Variants in LIN28B observed in about 807,000 individuals in gnomAD.
LIN28B encodes the protein protein lin-28 homolog B.
A neutral mutation model predicts 21.9 loss-of-function variants in LIN28B; 5 were observed. That is an observed-to-expected ratio of 0.23 (90% CI 0.12 to 0.48). The LOEUF is 0.48. Among genes scored for constraint, LIN28B ranks in the 20% least tolerant of loss-of-function variants. LIN28B has a pLI of 0.98. For missense variants in LIN28B, 245 were observed against 310.5 expected, an observed-to-expected ratio of 0.79 and a Z score of 1.58; for synonymous variants, 109 against 111.3, an observed-to-expected ratio of 0.98 and a Z score of 0.13.
chr6:105,007,816 T>TA (rs1406510788), intron 2 of LIN28B, among the ~76,000 whole-genome samples: 5 of 152,002 alleles, frequency 3.3e-5, no homozygotes, highest in African/African-American at 9.7e-5. Context: ...TTTTTTAAAT[T>TA]AAAAAAAGTA....
chr6:104,948,080 G>A (rs1358035105), intron 2 of LIN28B, among the ~76,000 whole-genome samples: 1 of 152,030 alleles, frequency 6.6e-6, no homozygotes, highest in Non-Finnish European at 1.5e-5. Context: ...CTCGTGTAGG[G>A]GCAAAGAAGT....
At chr6:105,061,716 G>A (rs529271350) in intron 3 of LIN28B, among the ~76,000 whole-genome samples, 3 of 152,280 alleles carry the variant, frequency 2.0e-5, no homozygotes, top group East Asian at 3.9e-4. Flanking sequence ...AATTCTTGAA[G>A]TATGAAGCTT....
chr6:105,015,715 T>C (rs753772807), intron 2 of LIN28B, among the ~76,000 whole-genome samples: 1 of 152,220 alleles, frequency 6.6e-6, no homozygotes, highest in Non-Finnish European at 1.5e-5. Context: ...GTTGAGGACA[T>C]GCATTCTTAG....
Position 105,078,527 on chromosome 6 carries a change from A to G in LIN28B, c.497A>G (p.His166Arg). The part of the protein sequence containing the change: ...SIMHMVANCP[H>R]KNVAQPPASS... ...ATGCACATGGTGGCAAACTGCCCAC[A>G]TAAAAATGTTGCACAGCCACCCGCG... is the stretch of plus-strand genomic sequence containing the variant. The change falls in exon 4 of 4, where the codon CAT (histidine) becomes CGT (arginine). Residue 166 changes from histidine to arginine, a missense_variant. Coordinates refer to ENST00000345080, the MANE Select transcript of LIN28B (RefSeq NM_001004317.4). 1 of 1,614,202 alleles carries G rather than the reference A, an allele frequency of 6.2e-7. No individual in the cohort carries two copies. Among genetic ancestry groups the G allele is most frequent in the South Asian group, 1.1e-5 (1 of 91,086 alleles).
intron 2 of LIN28B, among the ~76,000 whole-genome samples, chr6:104,947,534 GA>G (rs1170329662): frequency 6.6e-6 from 1 of 152,020 alleles, no homozygotes; most frequent in Non-Finnish European, 1.5e-5. Flanking sequence ...TATTTGTGAA[GA>G]ATATTGTTAT....
intron 2 of LIN28B, among the ~76,000 whole-genome samples, chr6:105,024,119 G>A (rs1192230359): frequency 6.6e-6 from 1 of 152,056 alleles, no homozygotes; most frequent in African/African-American, 2.4e-5. Flanking sequence ...CTCCCAAGTA[G>A]CTGGGATTAC....
chr6:104,985,883 C>A (rs187304766), intron 2 of LIN28B, among the ~76,000 whole-genome samples: 2 of 152,076 alleles, frequency 1.3e-5, no homozygotes, highest in African/African-American at 4.8e-5. Flanking sequence ...GACCCAATAC[C>A]CTAGATTTAA....
At chr6:105,026,227 A>G (rs925835982) in intron 2 of LIN28B, 71 bp from the exon 3 acceptor site, 2 of 776,744 alleles carry the variant, frequency 2.6e-6, no homozygotes, top group Admixed American at 2.8e-5. Context: ...TTAAAATTAT[A>G]GAGATAATTT....
chr6:104,968,396 G>C (rs1025594216), intron 2 of LIN28B, among the ~76,000 whole-genome samples: 4 of 152,148 alleles, frequency 2.6e-5, no homozygotes, highest in Non-Finnish European at 2.9e-5. Flanking sequence ...CACATTTCAT[G>C]TGGAGAAACT....
chr6:105,049,427 T>G (rs1230038926), intron 3 of LIN28B, among the ~76,000 whole-genome samples: 1 of 152,208 alleles, frequency 6.6e-6, no homozygotes, highest in Non-Finnish European at 1.5e-5. Context: ...TCCAAGTGTG[T>G]GGTCAATTTT....
At chr6:104,944,736 A>T (rs976572201) in intron 2 of LIN28B, among the ~76,000 whole-genome samples, 2 of 152,148 alleles carry the variant, frequency 1.3e-5, no homozygotes, top group Non-Finnish European at 2.9e-5. Flanking sequence ...ATATATCAGT[A>T]AAAAGTACTA....
chr6:105,070,475 G>A (rs1772309784), intron 3 of LIN28B, among the ~76,000 whole-genome samples: 1 of 152,056 alleles, frequency 6.6e-6, no homozygotes. Flanking sequence ...GCCAGGCAAG[G>A]TGGCTAATGC....
At chr6:105,064,658 C>G (rs1027475815) in intron 3 of LIN28B, among the ~76,000 whole-genome samples, 23 of 152,098 alleles carry the variant, frequency 1.5e-4, no homozygotes, top group Admixed American at 3.3e-4. Flanking sequence ...TGTTTATTTT[C>G]TGAAATAAAT....
intron 2 of LIN28B, among the ~76,000 whole-genome samples, chr6:105,008,350 A>G (rs1365467045): frequency 6.6e-6 from 1 of 152,200 alleles, no homozygotes; most frequent in East Asian, 1.9e-4. Context: ...TATTTTCATA[A>G]AAGAGCATGC....
At chr6:105,052,441 C>T (rs749560884) in intron 3 of LIN28B, among the ~76,000 whole-genome samples, 7 of 151,980 alleles carry the variant, frequency 4.6e-5, no homozygotes, top group African/African-American at 7.3e-5. Context: ...GGTGGGAGAG[C>T]AAAGGGAGGA....
Position 105,078,817 on chromosome 6 carries a change from G to A in LIN28B, c.*34G>A, listed in dbSNP as rs768554739. On this transcript the variant is annotated 3_prime_UTR_variant, in exon 4 of 4. Coordinates refer to ENST00000345080, the MANE Select transcript of LIN28B (RefSeq NM_001004317.4). ...CTTCATATGTTCTTTCCTTTACCCG[G>A]TTGCAAAGTCTACCTCATGCAAGTA... is the stretch of plus-strand genomic sequence containing the variant. 2.5e-6 allele frequency: 4 copies of A among 1,584,808 alleles called. No individual in the cohort carries two copies. Among genetic ancestry groups the A allele is most frequent in the Non-Finnish European group, 3.4e-6 (4 of 1,163,312 alleles).
In LIN28B at chr6:105,075,196, A is replaced by ATGGACACATATAT. The variant is rs1473771233; in HGVS notation, c.384-3218_384-3217insTGGACACATATAT. On this transcript the variant is annotated intron_variant, in intron 3 of 3. Transcript: ENST00000345080. ...ATGTCCTTATATTTCTTAAGCATAT[A>ATGGACACATATAT]GCTAAAAATGGACACACATGATATT... 2.0e-5 allele frequency among the ~76,000 whole-genome samples: 3 copies of ATGGACACATATAT among 152,238 alleles called. No individual in the cohort carries two copies. In the East Asian group the frequency reaches 5.8e-4, roughly 29 times the overall value.
intron 2 of LIN28B, among the ~76,000 whole-genome samples, chr6:105,007,721 G>A (rs1442693029): frequency 6.6e-6 from 1 of 151,584 alleles, no homozygotes; most frequent in Admixed American, 6.6e-5. Context: ...GTAGAGATGG[G>A]GTCTCACTGT....
intron 2 of LIN28B, among the ~76,000 whole-genome samples, chr6:105,023,210 G>T (rs1192646798): frequency 1.4e-5 from 1 of 69,004 alleles, no homozygotes; most frequent in African/African-American, 5.6e-5. Flanking sequence ...GTTTCTTATG[G>T]ATATATATAT....
Sources: gnomAD v4.1 joint callset for allele counts (sites outside exome capture counted in the v4.1 genomes callset) on GRCh38, gnomAD v4.1.1 for gene constraint, MANE v1.5 for transcripts, NCBI Gene and HGNC (gene_info 2026-07-23, HGNC 2026-07-21) for gene names.